ITPRIPL1: variants seen among roughly 807,000 people sequenced by gnomAD.
ITPRIPL1 encodes the protein inositol 1,4,5-trisphosphate receptor-interacting protein-like 1.
In ITPRIPL1, 28 loss-of-function variants were observed where a neutral mutation model predicts 40.0. The observed-to-expected ratio is 0.70, with a 90% confidence interval of 0.52 to 0.96. ITPRIPL1 has a LOEUF of 0.96. Ranked by LOEUF, ITPRIPL1 falls within the 40% of genes least tolerant of loss-of-function variation. ITPRIPL1 has a pLI of 0.00. For synonymous variants in ITPRIPL1, 251 were observed against 275.7 expected, an observed-to-expected ratio of 0.91 and a Z score of 0.89; for missense variants, 638 against 698.0, an observed-to-expected ratio of 0.91 and a Z score of 0.97.
At chr2:96,326,445 C>G (rs568783853) in intron 2 of ITPRIPL1, 197 bp from the exon 3 acceptor site, 6 of 1,546,992 alleles carry the variant, frequency 3.9e-6, no homozygotes, top group Non-Finnish European at 5.2e-6. Flanking sequence ...AGTGGCACAT[C>G]CTTTCGCCCT....
chr2:96,326,483 G>A (rs994312448), intron 2 of ITPRIPL1, 159 bp from the exon 3 acceptor site: 99 of 1,544,844 alleles, frequency 6.4e-5, no homozygotes, highest in Non-Finnish European at 7.8e-5. Flanking sequence ...CTCCCAGGCC[G>A]ACCACCCTTG....
rs371464691 is a variant in ITPRIPL1, at chr2:96,327,314, C to A, written c.683C>A (p.Thr228Asn). The change falls in exon 3 of 3, where the codon ACC becomes AAC. Residue 228 changes from threonine (T) to asparagine (N), a missense_variant. Coordinates refer to ENST00000439118, the MANE Select transcript of ITPRIPL1 (RefSeq NM_001008949.3). ...GIGAAFEKWGTLHETQKFDIL... is the reference protein window; with the variant it reads ...GIGAAFEKWGNLHETQKFDIL... The stretch of plus-strand genomic sequence containing the variant: ...GGGGCTGCCTTTGAGAAATGGGGAA[C>A]CCTCCATGAGACCCAGAAATTTGAT... The A allele has an allele frequency of 6.2e-7, 1 of 1,614,086 alleles. No individual in the cohort carries two copies. The highest frequency in any genetic ancestry group is 8.5e-7 in the Non-Finnish European group (1 of 1,180,052).
In ITPRIPL1 at chr2:96,326,627, C is replaced by A; in HGVS notation, c.11-15C>A. 5 of 1,614,214 alleles carry A rather than the reference C, an allele frequency of 3.1e-6. No individual in the cohort carries two copies. Among genetic ancestry groups the A allele is most frequent in the Non-Finnish European group, 4.2e-6 (5 of 1,180,032 alleles). On this transcript the variant is annotated splice_polypyrimidine_tract_variant and intron_variant, in intron 2 of 2. Transcript: ENST00000439118. The stretch of plus-strand genomic sequence containing the variant: ...TGGAAGATGACCACTGACTCCTACT[C>A]TCCTACTTCTCCAGATGCAGAGGCC...
In ITPRIPL1 at chr2:96,327,124, C is replaced by A; in HGVS notation, c.493C>A (p.Gln165Lys). ...SYNWLTDFPSQEALDSFYKHY... is the reference protein window; with the variant it reads ...SYNWLTDFPSKEALDSFYKHY... ...CAACTGGCTTACTGACTTCCCCTCC[C>A]AGGAGGCCCTGGACTCCTTTTACAA... The change falls in exon 3 of 3, where the codon CAG (glutamine) becomes AAG (lysine). Residue 165 changes from glutamine to lysine, a missense_variant. Coordinates refer to ENST00000439118, the MANE Select transcript of ITPRIPL1 (RefSeq NM_001008949.3). 2 of 1,614,132 alleles carry A rather than the reference C, an allele frequency of 1.2e-6. No homozygotes were observed. The highest frequency in any genetic ancestry group is 1.7e-6 in the Non-Finnish European group (2 of 1,179,976).
At chr2:96,326,088 C>T (rs935774139) in intron 2 of ITPRIPL1, 19 of 1,327,390 alleles carry the variant, frequency 1.4e-5, no homozygotes, top group Admixed American at 2.0e-5. Context: ...GCCTCTCTTG[C>T]GCTCCCTGGG....
intron 2 of ITPRIPL1, 196 bp from the exon 3 acceptor site, chr2:96,326,446 C>A: frequency 6.5e-7 from 1 of 1,545,366 alleles, no homozygotes; most frequent in South Asian, 1.2e-5. Flanking sequence ...GTGGCACATC[C>A]TTTCGCCCTC....
Position 96,327,578 on chromosome 2 carries a change from G to GC in ITPRIPL1, c.948dup (p.Lys317GlnfsTer22). The GC allele has an allele frequency of 6.2e-7, 1 of 1,610,690 alleles. No individual in the cohort carries two copies. The highest frequency in any genetic ancestry group is 2.2e-5 in the East Asian group (1 of 44,858). ...TGCACCGGCTTCCACCTAGACGTGT[G>GC]CAAGACTGTGCAGTGGTTCCGGAAC... On this transcript the variant is annotated frameshift_variant, in exon 3 of 3. Coordinates refer to ENST00000439118, the MANE Select transcript of ITPRIPL1 (RefSeq NM_001008949.3). LOFTEE classifies it high-confidence loss of function.
downstream of ITPRIPL1, chr2:96,329,189 A>ATC (rs2064144099): frequency 8.8e-6 from 1 of 113,618 alleles, no homozygotes; most frequent in Non-Finnish European, 1.8e-5. Context: ...ATATATATAT[A>ATC]TATATCTCCA....
At position 96,326,306 on chromosome 2, in the gene ITPRIPL1, C is replaced by T. The variant is rs76266595; in HGVS notation, c.11-336C>T. On this transcript the variant is annotated intron_variant, in intron 2 of 2. Transcript: ENST00000439118. ...TGGTGCCCATGGTTGACTGAGGAGT[C>T]GGGTGAGGCCACCCTACCACAAGGG... 508 of 1,458,064 alleles carry T rather than the reference C, an allele frequency of 3.5e-4. 3 individuals carry two copies. The East Asian group carries it at 0.013, about 36-fold the overall frequency. The allele number at this position is 1,458,064 out of a possible 1,614,324, so 90.3% of individuals were successfully genotyped here. A position where few individuals can be genotyped will look rare whatever the true frequency, so the allele number is the denominator to read the frequency against.
At position 96,327,230 on chromosome 2, in the gene ITPRIPL1, C is replaced by T; in HGVS notation, c.599C>T (p.Ala200Val). Residue 200 changes from alanine (A) to valine (V), a missense_variant, in exon 3 of 3, where the codon GCC becomes GTC. Physicochemically the swap from Ala to Val is moderately conservative, Grantham distance 64. Coordinates refer to ENST00000439118, the MANE Select transcript of ITPRIPL1 (RefSeq NM_001008949.3). ...VESFVDDLIE[A>V]CRVLSRQEAH... ...AGTTTTGTGGATGATCTCATTGAGGCCTGTCGGGTGCTCAGCCGCCAAGAG... is the reference window on the plus strand; with the variant it reads ...AGTTTTGTGGATGATCTCATTGAGGTCTGTCGGGTGCTCAGCCGCCAAGAG... The T allele has an allele frequency of 6.2e-7, 1 of 1,614,124 alleles. No homozygotes were observed. The highest frequency in any genetic ancestry group is 8.5e-7 in the Non-Finnish European group (1 of 1,180,038).
Position 96,326,880 on chromosome 2 carries a change from C to T in ITPRIPL1, c.249C>T (p.Asp83=), listed in dbSNP as rs150555676. 2 of 1,614,090 alleles carry T rather than the reference C, an allele frequency of 1.2e-6. No homozygotes were observed. Among genetic ancestry groups the T allele is most frequent in the African/African-American group, 1.3e-5 (1 of 74,924 alleles). Reference sequence around the variant, plus strand: ...TCTGGACAGGAGACACATCCAGTGACCAGTTAGTGCTGGGGAAGAAAGACA... The same window carrying T: ...TCTGGACAGGAGACACATCCAGTGATCAGTTAGTGCTGGGGAAGAAAGACA... ...ENFWTGDTSS[D]QLVLGKKDMG... is the part of the protein sequence containing the mutation. The change falls in exon 3 of 3, where the codon GAC becomes GAT. Residue 83 remains aspartate (D), a synonymous_variant. Coordinates refer to ENST00000439118, the MANE Select transcript of ITPRIPL1 (RefSeq NM_001008949.3).
chr2:96,326,133 C>A, intron 2 of ITPRIPL1: 1 of 1,473,330 alleles, frequency 6.8e-7, no homozygotes, highest in Non-Finnish European at 9.1e-7. Flanking sequence ...AGGCTCACTT[C>A]ATACTGGGTG....
At position 96,325,868 on chromosome 2, in the gene ITPRIPL1, G is replaced by C. The variant is rs750043201; in HGVS notation, c.10+19G>C. ...AATGTTGGTAAGCGCGGTAGCTTGTGAATTAGGGTGAGTGGCAGAAGCTCG... is the reference window on the plus strand; with the variant it reads ...AATGTTGGTAAGCGCGGTAGCTTGTCAATTAGGGTGAGTGGCAGAAGCTCG... On this transcript the variant is annotated intron_variant, in intron 2 of 2. Transcript: ENST00000439118. 2 of 1,612,706 alleles carry C rather than the reference G, an allele frequency of 1.2e-6. No homozygotes were observed. Among genetic ancestry groups the C allele is most frequent in the Non-Finnish European group, 1.7e-6 (2 of 1,178,952 alleles).
downstream of ITPRIPL1, chr2:96,328,912 T>G (rs1270481145): frequency 6.6e-6 from 1 of 151,974 alleles, no homozygotes. Flanking sequence ...GAGGTGGGTG[T>G]ATCGCCTGAG....
rs2064133291 is a variant in ITPRIPL1, at chr2:96,328,027, G to A, written c.1396G>A (p.Ala466Thr). The A allele has an allele frequency of 6.2e-7, 1 of 1,614,018 alleles. No individual in the cohort carries two copies. Among genetic ancestry groups the A allele is most frequent in the African/African-American group, 1.3e-5 (1 of 74,892 alleles). ...GCTACGGCTGCCCCTCACGGACTGG[G>A]CCCACAACATGCTCTCTCAGCGGCT... ...LLLRLPLTDW[A>T]HNMLSQRLQD... The change falls in exon 3 of 3, where the codon GCC (alanine) becomes ACC (threonine). Residue 466 changes from alanine (A) to threonine (T), a missense_variant. Transcript: ENST00000439118.
In ITPRIPL1 at chr2:96,327,636, CA is replaced by C. The variant is rs1163824064; in HGVS notation, c.1007del (p.Lys336SerfsTer45). 1.2e-6 allele frequency: 2 copies of C among 1,612,038 alleles called. No individual in the cohort carries two copies. The highest frequency in any genetic ancestry group is 4.5e-5 in the East Asian group (2 of 44,868). On this transcript the variant is annotated frameshift_variant, in exon 3 of 3. Transcript: ENST00000439118. LOFTEE classifies it high-confidence loss of function. ...GCAATGCCTGGGCCCTTGTGGCCCACAAGTATGACTTTAAACTCAGTCTCCC... is the reference window on the plus strand; with the variant it reads ...GCAATGCCTGGGCCCTTGTGGCCCACAGTATGACTTTAAACTCAGTCTCCC... Reference protein sequence around the residue: ...MGNAWALVAHKYDFKLSLPPS... With the variant: ...MGNAWALVAHXYDFKLSLPPS...
Position 96,327,190 on chromosome 2 carries a change from TGTGA to T in ITPRIPL1, c.562_565del (p.Glu188LeufsTer65). 1 of 1,614,128 alleles carries T rather than the reference TGTGA, an allele frequency of 6.2e-7. No homozygotes were observed. Among genetic ancestry groups the T allele is most frequent in the Non-Finnish European group, 8.5e-7 (1 of 1,180,020 alleles). ...TGCCATCCGTGACCTGCCCTGCACC[TGTGA>T]GTTTGTGGAGAGTTTTGTGGATGAT... is the stretch of plus-strand genomic sequence containing the variant. On this transcript the variant is annotated frameshift_variant, in exon 3 of 3. Coordinates refer to ENST00000439118, the MANE Select transcript of ITPRIPL1 (RefSeq NM_001008949.3). LOFTEE classifies it high-confidence loss of function.
Position 96,325,867 on chromosome 2 carries a change from T to G in ITPRIPL1, c.10+18T>G. The G allele has an allele frequency of 6.2e-7, 1 of 1,613,320 alleles. No homozygotes were observed. The highest frequency in any genetic ancestry group is 8.5e-7 in the Non-Finnish European group (1 of 1,179,496). ...GAATGTTGGTAAGCGCGGTAGCTTG[T>G]GAATTAGGGTGAGTGGCAGAAGCTC... On this transcript the variant is annotated intron_variant, in intron 2 of 2. Transcript: ENST00000439118.
At chr2:96,325,871 T>C (rs2064101590) in intron 2 of ITPRIPL1, 22 bp downstream of exon 2, 1 of 1,613,340 alleles carries the variant, frequency 6.2e-7, no homozygotes, top group African/African-American at 1.3e-5. Flanking sequence ...AGCTTGTGAA[T>C]TAGGGTGAGT....
Sources: allele counts gnomAD v4.1 joint callset, GRCh38; gene constraint gnomAD v4.1.1; transcripts MANE v1.5; gene names NCBI Gene and HGNC (gene_info 2026-07-23, HGNC 2026-07-21).